The following GRID2 variants were observed in gnomAD, a reference collection of about 807,000 sequenced individuals.
GRID2 encodes the protein glutamate ionotropic receptor delta type subunit 2.
In GRID2, 33 loss-of-function variants were observed where a neutral mutation model predicts 114.8. The observed-to-expected ratio is 0.29, with a 90% CI of 0.22 to 0.38. GRID2 has a LOEUF of 0.38. Ranked by LOEUF, GRID2 falls within the 10% of genes least tolerant of loss-of-function variation. The pLI is 1.00. For missense variants in GRID2, 1,184 were observed against 1,257.7 expected (o/e 0.94, Z 0.89); for synonymous variants, 505 against 449.9 (o/e 1.12, Z -1.55).
At chr4:92,357,963 A>C (rs1057161957) in intron 1 of GRID2, among the ~76,000 whole-genome samples, 1 of 152,000 alleles carries the variant, frequency 6.6e-6, no homozygotes, top group African/African-American at 2.4e-5. Flanking sequence ...TAGATGAAGG[A>C]AAATCTGATG....
chr4:93,458,912 G>A (rs1021404159), intron 11 of GRID2, among the ~76,000 whole-genome samples: 3 of 152,094 alleles, frequency 2.0e-5, no homozygotes, highest in African/African-American at 7.2e-5. Flanking sequence ...GAGTAGGCCT[G>A]GCATGGTGGC....
intron 1 of GRID2, among the ~76,000 whole-genome samples, chr4:93,779,660 T>A (rs1191308629): frequency 1.3e-5 from 2 of 152,054 alleles, no homozygotes; most frequent in African/African-American, 4.8e-5. Flanking sequence ...ATAGAAAAAA[T>A]ACTCTATGAA....
At chr4:92,674,909 C>T (rs77483943) in intron 2 of GRID2, among the ~76,000 whole-genome samples, 2,226 of 152,230 alleles carry the variant, frequency 0.015, 48 homozygotes, top group African/African-American at 0.051. Context: ...CTTTCAAAAC[C>T]TCTGGTCCCC....
chr4:92,796,882 T>G (rs1315416942), intron 2 of GRID2, among the ~76,000 whole-genome samples: 2 of 151,972 alleles, frequency 1.3e-5, no homozygotes, highest in East Asian at 3.9e-4. Context: ...GTAGGCTCTT[T>G]TCTAGCAATT....
chr4:92,908,416 T>G (rs1291373439), intron 2 of GRID2, among the ~76,000 whole-genome samples: 1 of 152,062 alleles, frequency 6.6e-6, no homozygotes, highest in Admixed American at 6.6e-5. Flanking sequence ...ACAAAGACAC[T>G]GAAAAGCAAG....
chr4:92,308,978 T>C (rs2110106195), intron 1 of GRID2, among the ~76,000 whole-genome samples: 1 of 152,196 alleles, frequency 6.6e-6, no homozygotes, highest in South Asian at 2.1e-4. Context: ...ACAATTCAAG[T>C]GTGTATTAAG....
chr4:93,719,596 A>G (rs998727720), intron 14 of GRID2, among the ~76,000 whole-genome samples: 3 of 152,198 alleles, frequency 2.0e-5, no homozygotes, highest in Non-Finnish European at 2.9e-5. Flanking sequence ...CAAGGCATCA[A>G]TCAGATCCAT....
chr4:93,606,670 C>T (rs1740269503), intron 13 of GRID2, among the ~76,000 whole-genome samples: 1 of 152,116 alleles, frequency 6.6e-6, no homozygotes, highest in South Asian at 2.1e-4. Context: ...TTCCAATCTT[C>T]TTCCATTATA....
At chr4:93,750,036 A>T (rs1001783494) in intron 14 of GRID2, among the ~76,000 whole-genome samples, 5 of 152,248 alleles carry the variant, frequency 3.3e-5, no homozygotes, top group Admixed American at 1.3e-4. Flanking sequence ...TGGTGAGCAC[A>T]CATTATATAG....
chr4:92,609,257 G>T (rs991124788), intron 2 of GRID2, among the ~76,000 whole-genome samples: 2 of 151,562 alleles, frequency 1.3e-5, no homozygotes, highest in African/African-American at 4.8e-5. Context: ...CTTACTATGT[G>T]GTTAAGTTTT....
chr4:93,763,032 C>A (rs1578760289), intron 14 of GRID2, among the ~76,000 whole-genome samples: 1 of 152,104 alleles, frequency 6.6e-6, no homozygotes, highest in Non-Finnish European at 1.5e-5. Context: ...CTTTTAGCAC[C>A]TATAGCCTTT....
At chr4:92,366,053 C>T (rs1313758336) in intron 1 of GRID2, among the ~76,000 whole-genome samples, 2 of 152,048 alleles carry the variant, frequency 1.3e-5, no homozygotes, top group Non-Finnish European at 1.5e-5. Context: ...TTACTATGTA[C>T]TTCCCTTGTA....
At chr4:92,584,894 A>ACCC (rs1728355383) in intron 1 of GRID2, among the ~76,000 whole-genome samples, 3 of 152,050 alleles carry the variant, frequency 2.0e-5, no homozygotes, top group Non-Finnish European at 4.4e-5. Context: ...AACATTTAAA[A>ACCC]TGTTTGCACT....
chr4:93,214,604 C>T (rs568068766), intron 5 of GRID2, among the ~76,000 whole-genome samples: 25 of 152,108 alleles, frequency 1.6e-4, no homozygotes, highest in Non-Finnish European at 3.1e-4. Flanking sequence ...ATTACTTTCT[C>T]TTCCCTTCCC....
intron 2 of GRID2, among the ~76,000 whole-genome samples, chr4:92,631,718 C>A (rs1278673217): frequency 6.6e-6 from 1 of 152,014 alleles, no homozygotes; most frequent in East Asian, 1.9e-4. Flanking sequence ...ATCTGTTTGC[C>A]TATCTTCAAC....
At chr4:92,483,792 A>C (rs2149107214) in intron 1 of GRID2, among the ~76,000 whole-genome samples, 1 of 152,292 alleles carries the variant, frequency 6.6e-6, no homozygotes, top group East Asian at 1.9e-4. Context: ...GTAAACAAGC[A>C]ACAGAAAAAA....
rs899583655 is a variant in GRID2 at position 93,574,637 on chromosome 4, A to G, written c.2194-51632A>G. On this transcript the variant is annotated intron_variant, in intron 13 of 15. Coordinates refer to ENST00000282020, the MANE Select transcript of GRID2 (RefSeq NM_001510.4). ...AGACTTATTCACTATCACAAGAACA[A>G]CACAGGAAAGACTTGCCTCCATGAT... Among the ~76,000 whole-genome samples, 11 of 152,148 alleles carry G rather than the reference A, an allele frequency of 7.2e-5. 1 individual carries two copies. The highest frequency in any genetic ancestry group is 2.7e-4 in the African/African-American group (11 of 41,440).
intron 13 of GRID2, among the ~76,000 whole-genome samples, chr4:93,551,926 A>G (rs1733788091): frequency 6.6e-6 from 1 of 152,180 alleles, no homozygotes; most frequent in African/African-American, 2.4e-5. Flanking sequence ...CATATGCACA[A>G]CGTGCAGGTT....
At chr4:93,349,327 A>C (rs1029574186) in intron 8 of GRID2, among the ~76,000 whole-genome samples, 1 of 152,088 alleles carries the variant, frequency 6.6e-6, no homozygotes, top group Admixed American at 6.6e-5. Flanking sequence ...CTGTATTTTC[A>C]ACTGAATAAT....
Sources: allele counts gnomAD v4.1 joint callset (sites outside exome capture counted in the v4.1 genomes callset), GRCh38; gene constraint gnomAD v4.1.1; transcripts MANE v1.5; gene names NCBI Gene and HGNC (gene_info 2026-07-23, HGNC 2026-07-21).